Variants in SEMA3E observed in about 807,000 individuals in gnomAD.
The protein encoded by SEMA3E is semaphorin-3E.
A neutral mutation model predicts 93.6 loss-of-function variants in SEMA3E; 49 were observed. That is an observed-to-expected ratio of 0.52 (90% CI 0.42 to 0.66). The LOEUF (loss-of-function observed/expected upper bound fraction) is 0.66, where lower values mean the gene tolerates loss of function less well. Ranked by LOEUF, SEMA3E falls within the 30% of genes least tolerant of loss-of-function variation. SEMA3E has a pLI of 0.00. For synonymous variants in SEMA3E, 363 were observed against 330.7 expected, an observed-to-expected ratio of 1.10 and a Z score of -1.06; for missense variants, 906 against 964.8, an observed-to-expected ratio of 0.94 and a Z score of 0.81.
chr7:83,450,579 AAT>A (rs577219308), intron 4 of SEMA3E, among the ~76,000 whole-genome samples: 15 of 152,266 alleles, frequency 9.9e-5, no homozygotes, highest in Non-Finnish European at 1.9e-4. Context: ...TAGAAATCAT[AAT>A]AGTGTTTATT....
intron 1 of SEMA3E, among the ~76,000 whole-genome samples, chr7:83,525,263 T>G (rs11977574): frequency 0.014 from 2,167 of 152,182 alleles, 64 homozygotes; most frequent in African/African-American, 0.049. Context: ...CGTAACCTGT[T>G]TTTTCATTTT....
chr7:83,490,270 G>T lies in SEMA3E; in HGVS notation c.120C>A (p.Leu40=). Residue 40 remains leucine, a synonymous_variant, in exon 2 of 17, where the codon CTC becomes CTA. Transcript: ENST00000643230. ...ATATTGATGTTCTGTTCAGATTCAA[G>T]AGCTCTGAAATGCAAAGTGATACAT... The part of the protein sequence containing the change: ...HPRLRLSHKE[L]LNLNRTSIFH... 6.2e-7 allele frequency: 1 copy of T among 1,611,670 alleles called. No homozygotes were observed.
intron 1 of SEMA3E, among the ~76,000 whole-genome samples, chr7:83,526,320 T>A (rs753020411): frequency 7.2e-5 from 11 of 152,146 alleles, no homozygotes; most frequent in South Asian, 4.1e-4. Context: ...TTGTTTCACT[T>A]GTTTCCCTGA....
At chr7:83,539,074 AC>A (rs71522669) in intron 1 of SEMA3E, among the ~76,000 whole-genome samples, 6,398 of 152,212 alleles carry the variant, frequency 0.042, 168 homozygotes, top group Non-Finnish European at 0.061. Flanking sequence ...CAGTTTACAG[AC>A]CCACAGAATG....
chr7:83,533,183 C>T (rs1313976839), intron 1 of SEMA3E, among the ~76,000 whole-genome samples: 1 of 152,120 alleles, frequency 6.6e-6, no homozygotes, highest in African/African-American at 2.4e-5. Context: ...GAAGTTACAA[C>T]CTAAAAGGGG....
chr7:83,589,399 T>C (rs76830739), intron 1 of SEMA3E, among the ~76,000 whole-genome samples: 1 of 152,134 alleles, frequency 6.6e-6, no homozygotes, highest in African/African-American at 2.4e-5. Context: ...ACTTAAAGAT[T>C]TGAGTTTCAT....
intron 16 of SEMA3E, among the ~76,000 whole-genome samples, 175 bp from the exon 17 acceptor site, chr7:83,368,213 G>C (rs200056654): frequency 1.4e-5 from 2 of 141,276 alleles, no homozygotes; most frequent in African/African-American, 5.2e-5. Flanking sequence ...CTCTCTCTGT[G>C]TGTGTGTGTG....
intron 1 of SEMA3E, among the ~76,000 whole-genome samples, chr7:83,529,119 G>C (rs1791230275): frequency 1.3e-5 from 2 of 152,190 alleles, no homozygotes; most frequent in South Asian, 2.1e-4. Flanking sequence ...GTTTAAAATA[G>C]TAATTAAAGA....
intron 1 of SEMA3E, among the ~76,000 whole-genome samples, chr7:83,582,388 A>T (rs1309183878): frequency 1.3e-5 from 2 of 152,036 alleles, no homozygotes; most frequent in Non-Finnish European, 2.9e-5. Context: ...GGAATTTGAA[A>T]CTTGTCACGT....
At chr7:83,397,081 G>GA (rs10711531) in intron 11 of SEMA3E, among the ~76,000 whole-genome samples, 31 of 133,704 alleles carry the variant, frequency 2.3e-4, no homozygotes, top group African/African-American at 5.7e-4. Context: ...CTTCATCTAA[G>GA]AAAAAAAAAA....
chr7:83,606,762 T>C (rs1034062304), intron 1 of SEMA3E, among the ~76,000 whole-genome samples: 2 of 115,664 alleles, frequency 1.7e-5, no homozygotes, highest in Non-Finnish European at 3.9e-5. Flanking sequence ...TAAAGTATAA[T>C]AAAAAAAAAA....
At chr7:83,383,760 G>C (rs1787827443) in intron 16 of SEMA3E, among the ~76,000 whole-genome samples, 1 of 151,964 alleles carries the variant, frequency 6.6e-6, no homozygotes, top group Non-Finnish European at 1.5e-5. Context: ...TTCCAAATGA[G>C]GCAGATTATG....
intron 16 of SEMA3E, among the ~76,000 whole-genome samples, chr7:83,379,537 C>T (rs919601210): frequency 6.6e-6 from 1 of 151,848 alleles, no homozygotes; most frequent in African/African-American, 2.4e-5. Flanking sequence ...TTTACTTTCT[C>T]TTTTTTAGTT....
chr7:83,622,247 C>T (rs1793576462), intron 1 of SEMA3E, among the ~76,000 whole-genome samples: 1 of 152,014 alleles, frequency 6.6e-6, no homozygotes. Flanking sequence ...CATCACTGAT[C>T]ATTAGAGAAA....
intron 1 of SEMA3E, among the ~76,000 whole-genome samples, chr7:83,535,344 A>C (rs1253094310): frequency 6.6e-6 from 1 of 151,920 alleles, no homozygotes; most frequent in African/African-American, 2.4e-5. Flanking sequence ...GTCAGTACAT[A>C]AAGTAAGCAA....
chr7:83,417,014 CAGGGAGAG>C (rs1162061441), intron 5 of SEMA3E, among the ~76,000 whole-genome samples: 3 of 45,278 alleles, frequency 6.6e-5, no homozygotes, highest in African/African-American at 1.7e-4. Context: ...CACACACACA[CAGGGAGAG>C]AGAGAGAGAG....
At chr7:83,540,499 A>C (rs143072530) in intron 1 of SEMA3E, among the ~76,000 whole-genome samples, 84 of 152,290 alleles carry the variant, frequency 5.5e-4, no homozygotes, top group Middle Eastern at 3.4e-3. Context: ...ATGTCCCTAG[A>C]ATGCATGTAC....
chr7:83,648,383 C>CTTTTTTTTTTTTTT, intron 1 of SEMA3E, 45 bp downstream of exon 1: 1 of 1,159,112 alleles, frequency 8.6e-7, no homozygotes, highest in Non-Finnish European at 1.2e-6. Context: ...TTTTCTTTTT[C>CTTTTTTTTTTTTTT]TTTTTTTTTT....
intron 1 of SEMA3E, among the ~76,000 whole-genome samples, chr7:83,562,770 A>C (rs1388154608): frequency 1.3e-5 from 2 of 152,072 alleles, no homozygotes; most frequent in South Asian, 4.1e-4. Context: ...TGGGCTTTTT[A>C]GTAGCGCGAA....
Sources: gnomAD v4.1 joint callset for allele counts (sites outside exome capture counted in the v4.1 genomes callset) on GRCh38, gnomAD v4.1.1 for gene constraint, MANE v1.5 for transcripts, NCBI Gene and HGNC (gene_info 2026-07-23, HGNC 2026-07-21) for gene names.